Variants in SAMD5 observed in about 807,000 individuals in gnomAD.
SAMD5 encodes the protein sterile alpha motif domain containing 5, also known as sterile alpha motif domain-containing protein 5.
SAMD5 carries 13 observed loss-of-function variants against 11.3 expected under a neutral mutation model. The ratio of observed to expected loss-of-function variants is 1.15; its 90% CI spans 0.75 to 1.83. SAMD5 has a LOEUF of 1.83. Ranked by LOEUF, SAMD5 falls within the 40% of genes most tolerant of loss-of-function variation. The probability of loss-of-function intolerance (pLI) is 0.00; values close to 1 mark genes in which losing one functional copy is unlikely to be tolerated. For missense variants in SAMD5, 255 were observed against 239.1 expected (o/e 1.07, Z -0.44); for synonymous variants, 129 against 111.3 (o/e 1.16, Z -1.00).
At chr6:147,878,479 A>G in the SAMD5 span, among the ~76,000 whole-genome samples, 1 of 151,484 alleles carries the variant, frequency 6.6e-6, no homozygotes, top group Non-Finnish European at 1.5e-5. Flanking sequence ...ATCTCTATTT[A>G]TAGATTAGTA....
the SAMD5 span, among the ~76,000 whole-genome samples, chr6:147,909,632 C>CTTTCTTTCTTTCTTTCTT: frequency 3.5e-3 from 217 of 61,164 alleles, 22 homozygotes; most frequent in African/African-American, 7.9e-3. Flanking sequence ...TTCTTTCTTT[C>CTTTCTTTCTTTCTTTCTT]TCTTTCTTGT....
the SAMD5 span, among the ~76,000 whole-genome samples, chr6:147,879,901 C>G: frequency 6.6e-6 from 1 of 152,160 alleles, no homozygotes; most frequent in Non-Finnish European, 1.5e-5. Context: ...CAACACGGAC[C>G]TGATGAGAAG....
intron 1 of SAMD5, among the ~76,000 whole-genome samples, chr6:147,525,231 A>G (rs951194546): frequency 6.7e-6 from 1 of 149,440 alleles, no homozygotes; most frequent in Non-Finnish European, 1.5e-5. Flanking sequence ...TAGGGTTTAC[A>G]TTGACTGTGG....
At chr6:147,517,577 A>G (rs1040166538) in intron 1 of SAMD5, among the ~76,000 whole-genome samples, 8 of 152,244 alleles carry the variant, frequency 5.3e-5, no homozygotes, top group Admixed American at 2.0e-4. Flanking sequence ...TTTTTTAAAA[A>G]TAACATTTCA....
In SAMD5 at chr6:147,564,406, GGCA is replaced by G; in HGVS notation, c.473_475del (p.Gly158_Ile159delinsVal). 2.6e-6 allele frequency: 2 copies of G among 780,836 alleles called. No individual in the cohort carries two copies. Among genetic ancestry groups the G allele is most frequent in the South Asian group, 2.7e-5 (2 of 74,608 alleles). The allele number at this position is 780,836 out of a possible 1,614,324, so 48.4% of individuals were successfully genotyped here. On this transcript the variant is annotated inframe_deletion, in exon 2 of 2. Coordinates refer to ENST00000367474, the MANE Select transcript of SAMD5 (RefSeq NM_001030060.3). Reference sequence around the variant, plus strand: ...TTCAAATCCACAGGTCCCAATGGCTGGCATCCTAGAGTACTTAATGAATTGGCC... The same window carrying G: ...TTCAAATCCACAGGTCCCAATGGCTGTCCTAGAGTACTTAATGAATTGGCC...
chr6:147,800,834 T>C, the SAMD5 span, among the ~76,000 whole-genome samples: 2 of 152,206 alleles, frequency 1.3e-5, no homozygotes, highest in African/African-American at 4.8e-5. Context: ...GTAAACCATG[T>C]GCATTTGTGT....
the SAMD5 span, among the ~76,000 whole-genome samples, chr6:147,821,595 C>T: frequency 1.3e-5 from 2 of 152,178 alleles, no homozygotes; most frequent in Non-Finnish European, 2.9e-5. Context: ...GATGCTGATA[C>T]GATTCTACAA....
chr6:147,688,060 A>T (rs946200671), intron 1 of SAMD5, among the ~76,000 whole-genome samples: 2 of 152,058 alleles, frequency 1.3e-5, no homozygotes, highest in Non-Finnish European at 2.9e-5. Context: ...TATATGTCAG[A>T]ACTTTTCACA....
chr6:147,786,082 T>C, the SAMD5 span, among the ~76,000 whole-genome samples: 1 of 152,224 alleles, frequency 6.6e-6, no homozygotes, highest in African/African-American at 2.4e-5. Flanking sequence ...CCGTTTACTC[T>C]GGAGTGTAAA....
chr6:147,833,804 T>C, the SAMD5 span, among the ~76,000 whole-genome samples: 1 of 152,256 alleles, frequency 6.6e-6, no homozygotes, highest in Non-Finnish European at 1.5e-5. Context: ...TATTTTCTGC[T>C]GAGCACTGTG....
the SAMD5 span, among the ~76,000 whole-genome samples, chr6:147,784,624 G>A: frequency 2.6e-5 from 4 of 152,160 alleles, no homozygotes; most frequent in African/African-American, 7.2e-5. Context: ...ATAATGTTCC[G>A]AATTTTTCCT....
the SAMD5 span, among the ~76,000 whole-genome samples, chr6:147,950,857 G>C: frequency 6.6e-6 from 1 of 152,020 alleles, no homozygotes; most frequent in East Asian, 1.9e-4. Context: ...TTTTGAAATA[G>C]AGAGGGGAGG....
the SAMD5 span, among the ~76,000 whole-genome samples, chr6:147,848,675 A>G: frequency 1.3e-5 from 2 of 152,170 alleles, no homozygotes; most frequent in South Asian, 4.1e-4. Flanking sequence ...GGCTTTGCCT[A>G]GAAATGTTGT....
chr6:147,576,330 G>A (rs772474448), intron 1 of SAMD5, among the ~76,000 whole-genome samples: 19 of 152,078 alleles, frequency 1.2e-4, no homozygotes, highest in Admixed American at 7.9e-4. Flanking sequence ...TAGTAGAGAC[G>A]GGGTTTAGCC....
the SAMD5 span, among the ~76,000 whole-genome samples, chr6:147,898,902 C>T: frequency 4.7e-4 from 71 of 151,940 alleles, no homozygotes; most frequent in Non-Finnish European, 8.2e-4. Flanking sequence ...ATGTGTTGGC[C>T]GGGCGTGGTG....
At chr6:147,811,741 A>ATACAAGG in the SAMD5 span, among the ~76,000 whole-genome samples, 4 of 152,206 alleles carry the variant, frequency 2.6e-5, no homozygotes, top group Non-Finnish European at 4.4e-5. Context: ...TGAACTTTAG[A>ATACAAGG]TACTGAGAAT....
the SAMD5 span, among the ~76,000 whole-genome samples, chr6:147,809,798 G>T: frequency 2.0e-5 from 3 of 152,184 alleles, no homozygotes; most frequent in Non-Finnish European, 4.4e-5. Context: ...TGTGAGGGCT[G>T]TCCTGTGCAC....
chr6:147,661,980 C>T (rs1409468128), intron 1 of SAMD5, among the ~76,000 whole-genome samples: 3 of 152,300 alleles, frequency 2.0e-5, no homozygotes, highest in East Asian at 1.9e-4. Context: ...TTTAAGTTCA[C>T]GGTTGCCCAT....
At chr6:147,725,847 G>A (rs558177821) in intron 1 of SAMD5, among the ~76,000 whole-genome samples, 4 of 152,142 alleles carry the variant, frequency 2.6e-5, no homozygotes, top group Non-Finnish European at 5.9e-5. Context: ...AGGACAAAAG[G>A]AGAAATGATG....
Sources: allele counts gnomAD v4.1 joint callset (sites outside exome capture counted in the v4.1 genomes callset), GRCh38; gene constraint gnomAD v4.1.1; transcripts MANE v1.5; gene names NCBI Gene and HGNC (gene_info 2026-07-23, HGNC 2026-07-21).